The following GRIN2B variants were observed in gnomAD, a reference collection of about 807,000 sequenced individuals.
GRIN2B encodes the protein glutamate ionotropic receptor NMDA type subunit 2B.
GRIN2B carries 5 observed loss-of-function variants against 114.5 expected under a neutral mutation model. The ratio of observed to expected loss-of-function variants is 0.04; its 90% CI spans 0.02 to 0.09. The LOEUF (loss-of-function observed/expected upper bound fraction) is 0.09. Among genes scored for constraint, GRIN2B ranks in the 10% least tolerant of loss-of-function variants. GRIN2B has a pLI of 1.00. For synonymous variants in GRIN2B, 787 were observed against 745.1 expected (o/e 1.06, Z -0.92); for missense variants, 1,108 against 1,943.5 (o/e 0.57, Z 8.08).
At position 13,870,167 on chromosome 12, in the gene GRIN2B, G is replaced by A. The variant is rs571496326; in HGVS notation, c.-18-3941C>T. Among the ~76,000 whole-genome samples the A allele has an allele frequency of 2.0e-5, 3 of 152,272 alleles. No homozygotes were observed. In the East Asian group the frequency reaches 5.8e-4, roughly 29 times the overall value. On this transcript the variant is annotated intron_variant, in intron 2 of 13. Transcript: ENST00000609686. ...CTGAGCGATATAACTCCCTGAAGAT[G>A]TCCCATAATGGCCTCGGGGTAGCAG...
intron 5 of GRIN2B, among the ~76,000 whole-genome samples, chr12:13,646,443 C>G (rs941945828): frequency 1.3e-5 from 2 of 152,102 alleles, no homozygotes; most frequent in Admixed American, 6.5e-5. Context: ...TGTGGATACA[C>G]CCAAAGGGGA....
At chr12:13,870,735 G>C (rs1865891383) in intron 2 of GRIN2B, among the ~76,000 whole-genome samples, 1 of 152,216 alleles carries the variant, frequency 6.6e-6, no homozygotes, top group African/African-American at 2.4e-5. Context: ...CAGGCAGTGA[G>C]TGAAGTTAAG....
intron 2 of GRIN2B, among the ~76,000 whole-genome samples, chr12:13,944,966 T>C (rs1197683736): frequency 3.3e-5 from 5 of 152,202 alleles, no homozygotes; most frequent in Admixed American, 2.0e-4. Flanking sequence ...GGACTGTTGG[T>C]TAAGTTAATT....
intron 2 of GRIN2B, among the ~76,000 whole-genome samples, chr12:13,899,297 T>C (rs1866405514): frequency 6.6e-6 from 1 of 151,940 alleles, no homozygotes; most frequent in African/African-American, 2.4e-5. Context: ...ACAGCTTCTT[T>C]AAATTGGAAA....
intron 2 of GRIN2B, among the ~76,000 whole-genome samples, chr12:13,955,100 T>G (rs940146672): frequency 6.6e-6 from 1 of 152,106 alleles, no homozygotes; most frequent in African/African-American, 2.4e-5. Flanking sequence ...AAATTGATCA[T>G]GCATTTAACA....
At chr12:13,800,298 C>T (rs1864485741) in intron 3 of GRIN2B, among the ~76,000 whole-genome samples, 2 of 152,148 alleles carry the variant, frequency 1.3e-5, no homozygotes, top group Non-Finnish European at 1.5e-5. Flanking sequence ...CTTCTCCTAT[C>T]AAAGCTCTGT....
In GRIN2B at chr12:13,753,993, T is replaced by C. The variant is rs1418330960; in HGVS notation, c.412-78A>G. On this transcript the variant is annotated intron_variant, in intron 3 of 13. Coordinates refer to ENST00000609686, the MANE Select transcript of GRIN2B (RefSeq NM_000834.5). The surrounding 1 kb of genome is among the most constrained non-coding windows in gnomAD (Gnocchi z 6.2). ...ATGGTAATGGAGATTTTGAACCAAG[T>C]GGGTACAAAGATTTGTGTTCATTAC... 2 of 856,938 alleles carry C rather than the reference T, an allele frequency of 2.3e-6. No homozygotes were observed. The highest frequency in any genetic ancestry group is 1.4e-5 in the South Asian group (1 of 70,850). 53.1% of individuals were successfully genotyped at this position (856,938 alleles called of 1,614,324 possible). A position where few individuals can be genotyped will look rare whatever the true frequency, so the allele number is the denominator to read the frequency against.
At chr12:13,953,789 C>G (rs982028706) in intron 2 of GRIN2B, among the ~76,000 whole-genome samples, 5 of 152,218 alleles carry the variant, frequency 3.3e-5, no homozygotes, top group African/African-American at 9.6e-5. Context: ...TCCTGCTTTG[C>G]TGATCTGGGG....
At chr12:13,735,754 T>C (rs1222394745) in intron 4 of GRIN2B, among the ~76,000 whole-genome samples, 1 of 152,182 alleles carries the variant, frequency 6.6e-6, no homozygotes, top group Non-Finnish European at 1.5e-5. Flanking sequence ...ATATATCCTG[T>C]TCCTTTATGT....
intron 2 of GRIN2B, among the ~76,000 whole-genome samples, chr12:13,911,642 T>A (rs1866628944): frequency 6.6e-6 from 1 of 152,174 alleles, no homozygotes; most frequent in Admixed American, 6.5e-5. Flanking sequence ...CCACGAATCA[T>A]GATCTAGACC....
At chr12:13,903,358 T>C (rs1382794486) in intron 2 of GRIN2B, among the ~76,000 whole-genome samples, 4 of 152,122 alleles carry the variant, frequency 2.6e-5, no homozygotes, top group Non-Finnish European at 5.9e-5. Flanking sequence ...ATATAAGCTA[T>C]AAAGACCATA....
intron 3 of GRIN2B, among the ~76,000 whole-genome samples, chr12:13,756,965 A>G (rs1863586654): frequency 6.6e-6 from 1 of 152,210 alleles, no homozygotes; most frequent in Non-Finnish European, 1.5e-5. Context: ...AAGGAAGCCA[A>G]TGCATAATGA....
At chr12:13,610,275 T>C (rs1443401474) in intron 9 of GRIN2B, among the ~76,000 whole-genome samples, 1 of 152,232 alleles carries the variant, frequency 6.6e-6, no homozygotes, top group East Asian at 1.9e-4. Flanking sequence ...AGTGGCCCCA[T>C]GTTGAATTCC....
At chr12:13,606,801 G>T (rs1049855628) in intron 10 of GRIN2B, among the ~76,000 whole-genome samples, 3 of 152,202 alleles carry the variant, frequency 2.0e-5, no homozygotes, top group Admixed American at 2.0e-4. Flanking sequence ...AACAATAAGA[G>T]AGGGGTTTAA....
chr12:13,849,244 C>T (rs116456222), intron 3 of GRIN2B, among the ~76,000 whole-genome samples: 1,902 of 152,196 alleles, frequency 0.012, 41 homozygotes, highest in African/African-American at 0.044. Context: ...GCAGAGCAGC[C>T]CGGTCTTGAG....
intron 3 of GRIN2B, among the ~76,000 whole-genome samples, chr12:13,761,071 C>A (rs1247046514): frequency 6.6e-6 from 1 of 152,168 alleles, no homozygotes; most frequent in African/African-American, 2.4e-5. Flanking sequence ...GATACAGAAT[C>A]ATGATCTTTC....
intron 2 of GRIN2B, among the ~76,000 whole-genome samples, chr12:13,886,395 C>A (rs989257311): frequency 6.6e-6 from 1 of 152,168 alleles, no homozygotes; most frequent in African/African-American, 2.4e-5. Context: ...CTTGACCAAG[C>A]TCAACCAATT....
At chr12:13,621,360 G>T (rs1949510899) in intron 5 of GRIN2B, among the ~76,000 whole-genome samples, 1 of 152,148 alleles carries the variant, frequency 6.6e-6, no homozygotes, top group Non-Finnish European at 1.5e-5. Flanking sequence ...GTAGCGAGAA[G>T]AACTGAATGA....
At chr12:13,971,313 G>A (rs910893389) in intron 2 of GRIN2B, among the ~76,000 whole-genome samples, 3 of 152,118 alleles carry the variant, frequency 2.0e-5, no homozygotes, top group African/African-American at 2.4e-5. Flanking sequence ...TTAAAGACAC[G>A]GATTCATAAA....
Sources: allele counts gnomAD v4.1 joint callset (sites outside exome capture counted in the v4.1 genomes callset), GRCh38; gene constraint gnomAD v4.1.1; non-coding constraint Gnocchi (gnomAD v3.1); transcripts MANE v1.5; gene names NCBI Gene and HGNC (gene_info 2026-07-23, HGNC 2026-07-21).